AIRE: variants seen among roughly 807,000 people sequenced by gnomAD.
The protein encoded by AIRE is autoimmune polyendocrinopathy candidiasis ectodermal dystrophy protein.
AIRE carries 52 observed loss-of-function variants against 62.1 expected under a neutral mutation model. The observed-to-expected ratio is 0.84, with a 90% CI of 0.67 to 1.06. The LOEUF (loss-of-function observed/expected upper bound fraction) is 1.06, where lower values mean the gene tolerates loss of function less well. Among genes scored for constraint, AIRE ranks in the 50% least tolerant of loss-of-function variants. The probability of loss-of-function intolerance (pLI) is 0.00; values close to 1 mark genes in which losing one functional copy is unlikely to be tolerated. For synonymous variants in AIRE, 342 were observed against 321.6 expected (o/e 1.06, Z -0.68); for missense variants, 774 against 755.8 (o/e 1.02, Z -0.28).
At position 44,285,936 on chromosome 21, in the gene AIRE, C is replaced by T. The variant is rs2040476615; in HGVS notation, c.-71C>T. Reference sequence around the variant, plus strand: ...CCCACAGCCCCGCCGGGACCCGAGGCCAAGCGAGGGGCTGCCAGTGTCCCG... The same window carrying T: ...CCCACAGCCCCGCCGGGACCCGAGGTCAAGCGAGGGGCTGCCAGTGTCCCG... On this transcript the variant is annotated 5_prime_UTR_variant, in exon 1 of 14. Transcript: ENST00000291582. 2 of 1,454,030 alleles carry T rather than the reference C, an allele frequency of 1.4e-6. No homozygotes were observed. Among genetic ancestry groups the T allele is most frequent in the South Asian group, 1.3e-5 (1 of 78,826 alleles). 90.1% of individuals were successfully genotyped at this position (1,454,030 alleles called of 1,614,324 possible).
intron 8 of AIRE, among the ~76,000 whole-genome samples, chr21:44,291,521 A>G (rs1397031585): frequency 6.6e-6 from 1 of 152,082 alleles, no homozygotes; most frequent in Admixed American, 6.5e-5. Context: ...CCCCATGGGT[A>G]GCCGGCCCCC....
In AIRE at chr21:44,285,980, C is replaced by G; in HGVS notation, c.-27C>G. On this transcript the variant is annotated 5_prime_UTR_variant, in exon 1 of 14. Transcript: ENST00000291582. The stretch of plus-strand genomic sequence containing the variant: ...TGTCCCGGGACCCACCGCGTCCGCC[C>G]CAGCCCCGGGTCCCCGCGCCCACCC... 1.3e-6 allele frequency: 2 copies of G among 1,523,824 alleles called. No homozygotes were observed. Among genetic ancestry groups the G allele is most frequent in the East Asian group, 5.0e-5 (2 of 40,024 alleles). The allele number at this position is 1,523,824 out of a possible 1,614,324, so 94.4% of individuals were successfully genotyped here. A position where few individuals can be genotyped will look rare whatever the true frequency, so the allele number is the denominator to read the frequency against.
In AIRE at chr21:44,297,582, T is replaced by C. The variant is rs1191490947; in HGVS notation, c.1567-74T>C. 5.8e-6 allele frequency: 8 copies of C among 1,375,338 alleles called. No individual in the cohort carries two copies. The highest frequency in any genetic ancestry group is 8.2e-6 in the Non-Finnish European group (8 of 970,024). The allele number at this position is 1,375,338 out of a possible 1,614,324, so 85.2% of individuals were successfully genotyped here. A position where few individuals can be genotyped will look rare whatever the true frequency, so the allele number is the denominator to read the frequency against. On this transcript the variant is annotated intron_variant, in intron 13 of 13. Transcript: ENST00000291582. This position sits in a 1 kb window ranked among gnomAD's most constrained non-coding sequence, Gnocchi z 4.8. Reference sequence around the variant, plus strand: ...GAGGGAAGGTTGGATGGTGACTTCTTGTAACGATGGCCATGATTCTGTGGC... The same window carrying C: ...GAGGGAAGGTTGGATGGTGACTTCTCGTAACGATGGCCATGATTCTGTGGC...
intron 12 of AIRE, among the ~76,000 whole-genome samples, chr21:44,294,958 C>T (rs999613859): frequency 6.6e-6 from 1 of 152,216 alleles, no homozygotes; most frequent in African/African-American, 2.4e-5. Flanking sequence ...ACCCCGGGTC[C>T]AGCCAGTAGC....
Position 44,286,876 on chromosome 21 carries a change from G to T in AIRE, c.308-102G>T. ...GTCTTGGATCCTAAGAGGCAAAGGG[G>T]CCAGGCCTCACCTGTCTGGCCAAGG... On this transcript the variant is annotated intron_variant, in intron 2 of 13. Transcript: ENST00000291582. The surrounding 1 kb of genome is among the most constrained non-coding windows in gnomAD (Gnocchi z 6.0). 6.3e-7 allele frequency: 1 copy of T among 1,581,758 alleles called. No homozygotes were observed. The highest frequency in any genetic ancestry group is 1.1e-5 in the South Asian group (1 of 90,266).
chr21:44,286,024 G>A lies in AIRE; in HGVS notation c.18G>A (p.Ala6=). 6.5e-7 allele frequency: 1 copy of A among 1,533,896 alleles called. No individual in the cohort carries two copies. The highest frequency in any genetic ancestry group is 8.7e-7 in the Non-Finnish European group (1 of 1,144,754). The change falls in exon 1 of 14, where the codon GCG becomes GCA. Residue 6 remains alanine, a synonymous_variant. Transcript: ENST00000291582. This position sits in a 1 kb window ranked among gnomAD's most constrained non-coding sequence, Gnocchi z 6.0. The stretch of plus-strand genomic sequence containing the variant: ...CCCACCCCATGGCGACGGACGCGGC[G>A]CTACGCCGGCTTCTGAGGCTGCACC... The part of the protein sequence containing the change: MATDA[A]LRRLLRLHRT...
In AIRE at chr21:44,298,148, CAAAA is replaced by C. The variant is rs756702867; in HGVS notation, c.*425_*428del. The C allele has an allele frequency of 3.6e-5, 9 of 246,768 alleles. No homozygotes were observed. The East Asian group carries it at 9.3e-4, about 26-fold the overall frequency. 15.3% of individuals were successfully genotyped at this position (246,768 alleles called of 1,614,324 possible). A position where few individuals can be genotyped will look rare whatever the true frequency, so the allele number is the denominator to read the frequency against. On this transcript the variant is annotated 3_prime_UTR_variant, in exon 14 of 14. Transcript: ENST00000291582. ...ACTCCGTCTCAAAAACAAAACAAAA[CAAAA>C]AAACCACATAACATAAATTTATCAT... is the stretch of plus-strand genomic sequence containing the variant.
chr21:44,294,049 C>A (rs2040577863), intron 11 of AIRE, 139 bp downstream of exon 11: 2 of 1,197,288 alleles, frequency 1.7e-6, no homozygotes, highest in Non-Finnish European at 2.3e-6. Flanking sequence ...TTGCACCCCA[C>A]CCCACACCCA....
intron 7 of AIRE, 83 bp from the exon 8 acceptor site, chr21:44,291,012 G>A (rs754240163): frequency 2.7e-5 from 44 of 1,613,432 alleles, no homozygotes; most frequent in Non-Finnish European, 3.6e-5. Flanking sequence ...TGCTGCTGGG[G>A]GAGCTGTTTT....
At chr21:44,290,728 C>A in intron 7 of AIRE, 1 of 1,395,280 alleles carries the variant, frequency 7.2e-7, no homozygotes, top group African/African-American at 1.4e-5. Context: ...GTGGGGGCTG[C>A]AGGTGGAGGA....
rs1568926415 is a variant in AIRE at position 44,286,860 on chromosome 21, C to T, written c.308-118C>T. 3.2e-6 allele frequency: 5 copies of T among 1,567,820 alleles called. 1 individual carries two copies. Among genetic ancestry groups the T allele is most frequent in the East Asian group, 4.5e-5 (2 of 44,364 alleles). On this transcript the variant is annotated intron_variant, in intron 2 of 13. Transcript: ENST00000291582. The surrounding 1 kb of genome is among the most constrained non-coding windows in gnomAD (Gnocchi z 6.0). The stretch of plus-strand genomic sequence containing the variant: ...GTGATGTTCCAGGACCGTCTTGGAT[C>T]CTAAGAGGCAAAGGGGCCAGGCCTC...
chr21:44,290,441 A>G, intron 7 of AIRE: 1 of 985,000 alleles, frequency 1.0e-6, no homozygotes, highest in Non-Finnish European at 1.2e-6. Flanking sequence ...TTAATGGGGT[A>G]GAAGCAGTGT....
Position 44,286,767 on chromosome 21 carries a change from G to C in AIRE, c.307+36G>C. ...GTGGACTCAGCCATGCTGGGGGCCT[G>C]GGGCAGCTGCTGTCACCTGCTCAGC... On this transcript the variant is annotated intron_variant, in intron 2 of 13. Coordinates refer to ENST00000291582, the MANE Select transcript of AIRE (RefSeq NM_000383.4). This position sits in a 1 kb window ranked among gnomAD's most constrained non-coding sequence, Gnocchi z 6.0. The C allele has an allele frequency of 6.2e-7, 1 of 1,609,190 alleles. No homozygotes were observed. The highest frequency in any genetic ancestry group is 8.5e-7 in the Non-Finnish European group (1 of 1,177,246).
intron 10 of AIRE, among the ~76,000 whole-genome samples, chr21:44,293,555 G>A (rs1031106687): frequency 1.3e-4 from 20 of 152,204 alleles, no homozygotes; most frequent in Non-Finnish European, 2.2e-4. Context: ...AGAGAGGTGC[G>A]GGCGCCAGGC....
Position 44,286,790 on chromosome 21 carries a change from A to G in AIRE, c.307+59A>G, listed in dbSNP as rs2040486769. The G allele has an allele frequency of 1.9e-6, 3 of 1,596,664 alleles. No homozygotes were observed. Among genetic ancestry groups the G allele is most frequent in the Non-Finnish European group, 2.6e-6 (3 of 1,166,890 alleles). On this transcript the variant is annotated intron_variant, in intron 2 of 13. Transcript: ENST00000291582. The surrounding 1 kb of genome is among the most constrained non-coding windows in gnomAD (Gnocchi z 6.0). Reference sequence around the variant, plus strand: ...CTGGGGCAGCTGCTGTCACCTGCTCAGCCCAGCTGGACTGGAACCGGAGTG... The same window carrying G: ...CTGGGGCAGCTGCTGTCACCTGCTCGGCCCAGCTGGACTGGAACCGGAGTG...
intron 7 of AIRE, chr21:44,290,721 G>A: frequency 7.2e-7 from 1 of 1,381,934 alleles, no homozygotes; most frequent in Non-Finnish European, 9.6e-7. Flanking sequence ...AAGGACGGTG[G>A]GGGCTGCAGG....
Position 44,285,931 on chromosome 21 carries a change from C to A in AIRE, c.-76C>A, listed in dbSNP as rs1349328799. 4 of 1,436,100 alleles carry A rather than the reference C, an allele frequency of 2.8e-6. No individual in the cohort carries two copies. The highest frequency in any genetic ancestry group is 2.6e-5 in the South Asian group (2 of 77,762). 89.0% of individuals were successfully genotyped at this position (1,436,100 alleles called of 1,614,324 possible). A position where few individuals can be genotyped will look rare whatever the true frequency, so the allele number is the denominator to read the frequency against. On this transcript the variant is annotated 5_prime_UTR_variant, in exon 1 of 14. Transcript: ENST00000291582. ...GAGGCCCCACAGCCCCGCCGGGACC[C>A]GAGGCCAAGCGAGGGGCTGCCAGTG...
Position 44,294,418 on chromosome 21 carries a change from G to A in AIRE, c.1418G>A (p.Arg473Lys), listed in dbSNP as rs750662701. 5.7e-6 allele frequency: 9 copies of A among 1,578,852 alleles called. No individual in the cohort carries two copies. Among genetic ancestry groups the A allele is most frequent in the Admixed American group, 1.7e-5 (1 of 57,322 alleles). ...TGCTGCAGGACGGGCCTGCGCTGCAGATCCTGCTCAGGAGACGTGACCCCA... is the reference window on the plus strand; with the variant it reads ...TGCTGCAGGACGGGCCTGCGCTGCAAATCCTGCTCAGGAGACGTGACCCCA... The part of the protein sequence containing the change: ...TSRPGTGLRC[R>K]SCSGDVTPAP... Residue 473 changes from arginine to lysine, a missense_variant, in exon 12 of 14, where the codon AGA becomes AAA. This residue lies in a region of AIRE where 354 missense variants were observed against 296.1 expected (regional missense o/e 1.20). Transcript: ENST00000291582.
At chr21:44,288,824 C>T in intron 5 of AIRE, 1 of 241,394 alleles carries the variant, frequency 4.1e-6, no homozygotes, top group Non-Finnish European at 8.2e-6. Flanking sequence ...CCAGGACAGC[C>T]TGTAGCATAG....
Sources: allele counts gnomAD v4.1 joint callset (sites outside exome capture counted in the v4.1 genomes callset), GRCh38; gene constraint gnomAD v4.1.1; regional missense constraint gnomAD v4.1.1; non-coding constraint Gnocchi (gnomAD v3.1); transcripts MANE v1.5; gene names NCBI Gene and HGNC (gene_info 2026-07-23, HGNC 2026-07-21).